USH2A: variants seen among roughly 807,000 people sequenced by gnomAD.
USH2A encodes the protein usherin.
A neutral mutation model predicts 538.9 loss-of-function variants in USH2A; 443 were observed. That is an observed-to-expected ratio of 0.82 (90% CI 0.76 to 0.89). The LOEUF is 0.89. USH2A is among the 40% of genes least tolerant of loss of function. The probability of loss-of-function intolerance (pLI) is 0.00; values close to 1 mark genes in which losing one functional copy is unlikely to be tolerated. For missense variants in USH2A, 6,633 were observed against 6,324.8 expected (o/e 1.05, Z -1.65); for synonymous variants, 2,413 against 2,273.5 (o/e 1.06, Z -1.75).
At chr1:216,243,164 G>C (rs2035969047) in intron 13 of USH2A, among the ~76,000 whole-genome samples, 4 of 152,192 alleles carry the variant, frequency 2.6e-5, no homozygotes, top group Admixed American at 2.6e-4. Context: ...AGAGTGACTA[G>C]AATAGCAGTG....
At chr1:216,046,744 G>T in intron 31 of USH2A, 152 bp from the exon 32 acceptor site, 1 of 900,500 alleles carries the variant, frequency 1.1e-6, no homozygotes, top group Non-Finnish European at 1.7e-6. Flanking sequence ...ATTGCTTTAG[G>T]AACAGTGTTA....
rs1295893427 is a variant in USH2A, at chr1:216,161,880, ATTG to A, written c.4627+13369_4627+13371del. On this transcript the variant is annotated intron_variant, in intron 21 of 71. Coordinates refer to ENST00000307340, the MANE Select transcript of USH2A (RefSeq NM_206933.4). Reference sequence around the variant, plus strand: ...TTCCATTATATTCTGGCATTCATTTATTGTTGTTGTTGAAAACTCAGACATCAT... The same window carrying A: ...TTCCATTATATTCTGGCATTCATTTATTGTTGTTGAAAACTCAGACATCAT... 5.3e-5 allele frequency among the ~76,000 whole-genome samples: 8 copies of A among 151,978 alleles called. No homozygotes were observed. In the East Asian group the frequency reaches 9.6e-4, roughly 18 times the overall value.
intron 62 of USH2A, among the ~76,000 whole-genome samples, chr1:215,676,783 C>CA (rs1415115995): frequency 6.6e-6 from 1 of 152,026 alleles, no homozygotes; most frequent in African/African-American, 2.4e-5. Flanking sequence ...TCTGTGACCC[C>CA]CCAAGCACCC....
intron 38 of USH2A, chr1:215,901,350 A>T (rs541715056): frequency 5.2e-6 from 1 of 192,148 alleles, no homozygotes; most frequent in Non-Finnish European, 1.1e-5. Context: ...ATGTGAACAC[A>T]ATGGCTTTCT....
intron 10 of USH2A, 58 bp downstream of exon 10, chr1:216,292,117 A>C: frequency 1.3e-6 from 2 of 1,534,612 alleles, no homozygotes. Context: ...AATAATATGC[A>C]TTGTAGATAG....
intron 29 of USH2A, chr1:216,072,482 T>C (rs2031588457): frequency 1.1e-5 from 3 of 283,880 alleles, no homozygotes; most frequent in South Asian, 7.3e-5. Flanking sequence ...GTTTCAAATG[T>C]GCTTTCTGTG....
At chr1:215,942,261 C>G (rs12739893) in intron 37 of USH2A, among the ~76,000 whole-genome samples, 17,344 of 152,186 alleles carry the variant, frequency 0.11, 1,328 homozygotes, top group South Asian at 0.31. Flanking sequence ...TGGGCCTCCC[C>G]AGTGTGACCA....
chr1:216,072,762 A>G, intron 29 of USH2A, 127 bp downstream of exon 29: 1 of 904,902 alleles, frequency 1.1e-6, no homozygotes. Flanking sequence ...TTTTCAAACC[A>G]AGGCATGCTC....
intron 48 of USH2A, among the ~76,000 whole-genome samples, chr1:215,814,760 A>G (rs1392915013): frequency 6.6e-6 from 1 of 152,064 alleles, no homozygotes; most frequent in East Asian, 1.9e-4. Flanking sequence ...TTCATAAATT[A>G]CCCAGTCTCA....
At chr1:215,943,370 G>A (rs1003595808) in intron 37 of USH2A, among the ~76,000 whole-genome samples, 20 of 152,052 alleles carry the variant, frequency 1.3e-4, no homozygotes, top group Non-Finnish European at 2.9e-5. Context: ...GCCAGGAACA[G>A]AATAGAGCTA....
intron 29 of USH2A, 34 bp from the exon 30 acceptor site, chr1:216,070,326 G>T (rs753740252): frequency 2.5e-6 from 4 of 1,603,972 alleles, no homozygotes; most frequent in Non-Finnish European, 3.4e-6. Flanking sequence ...TAGGGAAAAT[G>T]GCAGTTCTGA....
chr1:216,177,528 T>C (rs937172330), intron 20 of USH2A, among the ~76,000 whole-genome samples: 2 of 152,120 alleles, frequency 1.3e-5, no homozygotes, highest in African/African-American at 4.8e-5. Flanking sequence ...CAACTAACTT[T>C]GGTCAGCCTC....
At chr1:216,189,836 C>A (rs191063616) in intron 20 of USH2A, among the ~76,000 whole-genome samples, 119 of 152,032 alleles carry the variant, frequency 7.8e-4, no homozygotes, top group African/African-American at 2.8e-3. Context: ...GATTGTTTCT[C>A]ACAATTGTCA....
chr1:215,794,851 G>A (rs1662082075), intron 50 of USH2A, among the ~76,000 whole-genome samples: 1 of 152,116 alleles, frequency 6.6e-6, no homozygotes, highest in African/African-American at 2.4e-5. Flanking sequence ...GTTCAAGGGT[G>A]GATAAAATTA....
chr1:216,170,489 T>G (rs1373353138), intron 21 of USH2A, among the ~76,000 whole-genome samples: 1 of 152,142 alleles, frequency 6.6e-6, no homozygotes, highest in Non-Finnish European at 1.5e-5. Context: ...TGCATGTGTG[T>G]GCTCATCTCC....
intron 32 of USH2A, among the ~76,000 whole-genome samples, chr1:216,033,217 G>T (rs1012665744): frequency 6.6e-6 from 1 of 152,152 alleles, no homozygotes; most frequent in Non-Finnish European, 1.5e-5. Context: ...ACCAAACTTT[G>T]TATGCACTCA....
At chr1:216,406,786 A>G (rs908619364) in intron 3 of USH2A, among the ~76,000 whole-genome samples, 4 of 152,114 alleles carry the variant, frequency 2.6e-5, no homozygotes, top group African/African-American at 9.7e-5. Context: ...CAGACACTGA[A>G]CACCACCCCT....
intron 28 of USH2A, 41 bp from the exon 29 acceptor site, chr1:216,073,010 C>T (rs2031610453): frequency 1.9e-6 from 3 of 1,611,926 alleles, no homozygotes; most frequent in Non-Finnish European, 2.5e-6. Context: ...AAATAATACT[C>T]ATATAGATTA....
chr1:215,980,835 T>C (rs1194368273), intron 35 of USH2A, among the ~76,000 whole-genome samples: 1 of 152,134 alleles, frequency 6.6e-6, no homozygotes, highest in Admixed American at 6.6e-5. Flanking sequence ...AGGGCAAATG[T>C]TATTTATTTA....
Sources: gnomAD v4.1 joint callset for allele counts (sites outside exome capture counted in the v4.1 genomes callset) on GRCh38, gnomAD v4.1.1 for gene constraint, MANE v1.5 for transcripts, NCBI Gene and HGNC (gene_info 2026-07-23, HGNC 2026-07-21) for gene names.